The following CNTN5 variants were observed in gnomAD, a reference collection of about 807,000 sequenced individuals.
CNTN5 encodes contactin 5.
CNTN5 carries 77 observed loss-of-function variants against 129.1 expected under a neutral mutation model. The ratio of observed to expected loss-of-function variants is 0.60; its 90% CI spans 0.50 to 0.72. The LOEUF (loss-of-function observed/expected upper bound fraction) is 0.72, where lower values mean the gene tolerates loss of function less well. Among genes scored for constraint, CNTN5 ranks in the 30% least tolerant of loss-of-function variants. CNTN5 has a pLI of 0.00. For synonymous variants in CNTN5, 509 were observed against 465.6 expected, an observed-to-expected ratio of 1.09 and a Z score of -1.20; for missense variants, 1,478 against 1,328.8, an observed-to-expected ratio of 1.11 and a Z score of -1.75.
Position 99,498,945 on chromosome 11 carries a change from T to C in CNTN5, c.-70-57200T>C, listed in dbSNP as rs118011150. Among the ~76,000 whole-genome samples the C allele has an allele frequency of 1.7e-3, 261 of 152,264 alleles. 5 individuals carry two copies. Among genetic ancestry groups the C allele is most frequent in the East Asian group, 0.016 (82 of 5,176 alleles). ...ATCTAGGAGATGGAGGTTTGTTTGG[T>C]AAAGCAAAATTCCAGCGATGTCATG... On this transcript the variant is annotated intron_variant, in intron 2 of 24. Transcript: ENST00000524871.
intron 3 of CNTN5, among the ~76,000 whole-genome samples, chr11:99,646,610 A>G (rs765246694): frequency 2.6e-5 from 4 of 152,194 alleles, no homozygotes; most frequent in Admixed American, 1.3e-4. Context: ...TTATGTCCTT[A>G]GAAGGTGTGT....
intron 13 of CNTN5, among the ~76,000 whole-genome samples, chr11:100,160,049 T>C (rs1442092206): frequency 6.6e-6 from 1 of 151,922 alleles, no homozygotes; most frequent in Non-Finnish European, 1.5e-5. Context: ...TAGGTATTTC[T>C]CCTAATGCTA....
chr11:99,747,879 C>A (rs186562278), intron 3 of CNTN5, among the ~76,000 whole-genome samples: 2 of 152,058 alleles, frequency 1.3e-5, no homozygotes, highest in Non-Finnish European at 2.9e-5. Flanking sequence ...TGTTAAGGTG[C>A]ATTTCTTCTC....
chr11:100,142,402 T>C (rs1051120000), intron 13 of CNTN5, among the ~76,000 whole-genome samples: 1 of 152,202 alleles, frequency 6.6e-6, no homozygotes, highest in East Asian at 1.9e-4. Flanking sequence ...TGGAGAACTC[T>C]GACTAATACA....
At chr11:99,786,423 A>AC (rs938574579) in intron 3 of CNTN5, among the ~76,000 whole-genome samples, 4 of 151,474 alleles carry the variant, frequency 2.6e-5, no homozygotes, top group African/African-American at 7.3e-5. Flanking sequence ...AAATGGCCAC[A>AC]CCCCCCAAAG....
At chr11:99,762,731 C>A (rs1010263707) in intron 3 of CNTN5, among the ~76,000 whole-genome samples, 24 of 152,124 alleles carry the variant, frequency 1.6e-4, no homozygotes, top group African/African-American at 5.5e-4. Context: ...AATGTGTTCT[C>A]ATTTGTTTAT....
intron 3 of CNTN5, among the ~76,000 whole-genome samples, chr11:99,671,119 T>A (rs1260123824): frequency 6.7e-6 from 1 of 150,246 alleles, no homozygotes; most frequent in Non-Finnish European, 1.5e-5. Context: ...GCTCTTGCTC[T>A]CTCTCTCTTG....
chr11:99,729,059 G>T (rs566768675), intron 3 of CNTN5, among the ~76,000 whole-genome samples: 73 of 152,208 alleles, frequency 4.8e-4, no homozygotes, highest in South Asian at 4.4e-3. Flanking sequence ...GAGGTTCAAC[G>T]GTGAACAAGA....
At position 99,743,138 on chromosome 11, in the gene CNTN5, TATATC is replaced by T. The variant is rs141067447; in HGVS notation, c.56-76403_56-76399del. Reference sequence around the variant, plus strand: ...TGATAAGGAAGGAGGAGGAGAGAGATATATCATGTTGAAAGAACAATGAAGAATCT... The same window carrying T: ...TGATAAGGAAGGAGGAGGAGAGAGATATGTTGAAAGAACAATGAAGAATCT... On this transcript the variant is annotated intron_variant, in intron 3 of 24. Coordinates refer to ENST00000524871, the MANE Select transcript of CNTN5 (RefSeq NM_014361.4). Among the ~76,000 whole-genome samples the T allele has an allele frequency of 2.5e-3, 388 of 152,310 alleles. 1 individual carries two copies. The highest frequency in any genetic ancestry group is 8.3e-3 in the African/African-American group (346 of 41,570).
At chr11:100,164,122 A>C (rs1042727588) in intron 13 of CNTN5, among the ~76,000 whole-genome samples, 2 of 151,802 alleles carry the variant, frequency 1.3e-5, no homozygotes, top group Non-Finnish European at 2.9e-5. Flanking sequence ...ACATTCATAG[A>C]TCCTTATTGA....
chr11:100,260,525 A>G (rs934968157), intron 17 of CNTN5, among the ~76,000 whole-genome samples: 1 of 152,224 alleles, frequency 6.6e-6, no homozygotes, highest in Non-Finnish European at 1.5e-5. Flanking sequence ...TCCCTGGTGA[A>G]TATCACTGGG....
chr11:99,683,135 T>C (rs1591474261), intron 3 of CNTN5, among the ~76,000 whole-genome samples: 1 of 151,910 alleles, frequency 6.6e-6, no homozygotes. Context: ...CAGTAGTATA[T>C]TTTGATAATA....
chr11:99,739,300 G>A (rs1943816722), intron 3 of CNTN5, among the ~76,000 whole-genome samples: 1 of 152,012 alleles, frequency 6.6e-6, no homozygotes, highest in Non-Finnish European at 1.5e-5. Context: ...GTTCATATGA[G>A]GAAGTGGTGA....
At chr11:99,874,146 C>G (rs1164940355) in intron 6 of CNTN5, among the ~76,000 whole-genome samples, 1 of 152,106 alleles carries the variant, frequency 6.6e-6, no homozygotes, top group Non-Finnish European at 1.5e-5. Flanking sequence ...AGCCCAATAC[C>G]TACCATTTCA....
At chr11:99,653,178 ATTTG>A (rs1952223713) in intron 3 of CNTN5, among the ~76,000 whole-genome samples, 1 of 151,984 alleles carries the variant, frequency 6.6e-6, no homozygotes. Context: ...TATTTTACTA[ATTTG>A]TTCAAGTTAC....
chr11:100,165,851 T>G (rs2138383357), intron 13 of CNTN5, among the ~76,000 whole-genome samples: 1 of 151,898 alleles, frequency 6.6e-6, no homozygotes, highest in East Asian at 2.0e-4. Context: ...TAAATATTAT[T>G]ATTACATACA....
At chr11:99,181,667 G>A (rs1858077803) in intron 1 of CNTN5, among the ~76,000 whole-genome samples, 1 of 152,094 alleles carries the variant, frequency 6.6e-6, no homozygotes, top group South Asian at 2.1e-4. Flanking sequence ...AGGGGAGGAT[G>A]CATTATTTTT....
intron 2 of CNTN5, among the ~76,000 whole-genome samples, chr11:99,417,149 A>T (rs771081512): frequency 6.6e-6 from 1 of 152,146 alleles, no homozygotes; most frequent in African/African-American, 2.4e-5. Flanking sequence ...AAAAAACCCA[A>T]CTTGGTCTAA....
intron 2 of CNTN5, among the ~76,000 whole-genome samples, chr11:99,390,617 ATAAT>A (rs1241589406): frequency 6.6e-6 from 1 of 152,158 alleles, no homozygotes; most frequent in Non-Finnish European, 1.5e-5. Flanking sequence ...TGAAATATGA[ATAAT>A]TAAAGAATAG....
Sources: gnomAD v4.1 joint callset for allele counts (sites outside exome capture counted in the v4.1 genomes callset) on GRCh38, gnomAD v4.1.1 for gene constraint, MANE v1.5 for transcripts, NCBI Gene and HGNC (gene_info 2026-07-23, HGNC 2026-07-21) for gene names.